Variants in DMRTB1 observed in about 807,000 individuals in gnomAD.
The protein encoded by DMRTB1 is doublesex- and mab-3-related transcription factor B1.
DMRTB1 carries 9 observed loss-of-function variants against 25.2 expected under a neutral mutation model. The ratio of observed to expected loss-of-function variants is 0.36; its 90% confidence interval spans 0.22 to 0.62. DMRTB1 has a LOEUF of 0.62. DMRTB1 is among the 20% of genes least tolerant of loss of function. The pLI, the probability that DMRTB1 is intolerant of heterozygous loss-of-function variation, is 0.71. For missense variants in DMRTB1, 551 were observed against 499.3 expected (o/e 1.10, Z -0.99); for synonymous variants, 269 against 238.1 (o/e 1.13, Z -1.20).
At chr1:53,466,061 G>A (rs1644048389) in intron 3 of DMRTB1, among the ~76,000 whole-genome samples, 1 of 152,202 alleles carries the variant, frequency 6.6e-6, no homozygotes, top group African/African-American at 2.4e-5. Flanking sequence ...CCCAGCTTGT[G>A]ACGAGCAGAG....
chr1:53,463,414 C>CTCT (rs1455341429), intron 2 of DMRTB1, among the ~76,000 whole-genome samples: 12 of 152,136 alleles, frequency 7.9e-5, no homozygotes, highest in Non-Finnish European at 1.5e-4. Context: ...CCACGTGACC[C>CTCT]GTGGCAGTTA....
Position 53,459,601 on chromosome 1 carries a change from A to G in DMRTB1, c.148A>G (p.Met50Val), listed in dbSNP as rs976922588. 2.4e-5 allele frequency: 38 copies of G among 1,590,734 alleles called. No individual in the cohort carries two copies. Among genetic ancestry groups the G allele is most frequent in the Non-Finnish European group, 3.2e-5 (37 of 1,168,918 alleles). Residue 50 changes from methionine (M) to valine (V), a missense_variant, in exon 1 of 4, where the codon ATG becomes GTG. Transcript: ENST00000371445. ...CCTGATCTCCGAGCGCCAGAAGATC[A>G]TGGCCGCGCAGAAGGTGCTCAAGAC... ...CYLISERQKI[M>V]AAQKVLKTQA...
chr1:53,466,898 AG>A lies in DMRTB1; in HGVS notation c.*237del, dbSNP rs1644053422. Reference sequence around the variant, plus strand: ...CCAGGGGAGGGCCAGGGCTCTGAGGAGTGGGCGCTGGGAGAAGCTCCCATTT... The same window carrying A: ...CCAGGGGAGGGCCAGGGCTCTGAGGATGGGCGCTGGGAGAAGCTCCCATTT... On this transcript the variant is annotated 3_prime_UTR_variant, in exon 4 of 4. Transcript: ENST00000371445. 5.6e-6 allele frequency: 3 copies of A among 534,680 alleles called. No individual in the cohort carries two copies. The East Asian group carries it at 9.0e-5, about 16-fold the overall frequency. 33.1% of individuals were successfully genotyped at this position (534,680 alleles called of 1,614,324 possible).
intron 2 of DMRTB1, among the ~76,000 whole-genome samples, chr1:53,462,463 T>C (rs907634628): frequency 6.6e-6 from 1 of 152,238 alleles, no homozygotes; most frequent in Non-Finnish European, 1.5e-5. Flanking sequence ...CACTCCTGCT[T>C]CAGCCTGGCG....
intron 2 of DMRTB1, 57 bp from the exon 3 acceptor site, chr1:53,464,580 C>T (rs1262521018): frequency 2.5e-6 from 4 of 1,611,084 alleles, no homozygotes; most frequent in African/African-American, 1.3e-5. Flanking sequence ...TATGTTTGGT[C>T]AGCCCATCTG....
Position 53,461,482 on chromosome 1 carries a change from T to A in DMRTB1, c.587T>A (p.Leu196Gln). 1.3e-6 allele frequency: 2 copies of A among 1,590,984 alleles called. No individual in the cohort carries two copies. Among genetic ancestry groups the A allele is most frequent in the Non-Finnish European group, 1.7e-6 (2 of 1,168,022 alleles). ...TGCTTGCGTTCTTTAGTGCGCCCTC[T>A]GAACATCAACCCGGACCGTGCACTG... is the stretch of plus-strand genomic sequence containing the variant. ...GPLFTDFVRP[L>Q]NINPDRALGP... is the part of the protein sequence containing the mutation. Residue 196 changes from leucine to glutamine, a missense_variant, in exon 2 of 4, where the codon CTG becomes CAG. By Grantham distance (113) the Leu-to-Gln change is moderately radical. Transcript: ENST00000371445.
rs769817994 is a variant in DMRTB1, at chr1:53,464,859, CCA to C, written c.961+13_961+14del. 6.2e-6 allele frequency: 10 copies of C among 1,613,524 alleles called. No individual in the cohort carries two copies. The highest frequency in any genetic ancestry group is 8.5e-6 in the Non-Finnish European group (10 of 1,180,032). ...CAAGGAGAACACTGGTGAGTGAGCT[CCA>C]GTCTTCCAGCTTCAGCGAGAGCCAG... On this transcript the variant is annotated intron_variant, in intron 3 of 3. Coordinates refer to ENST00000371445, the MANE Select transcript of DMRTB1 (RefSeq NM_033067.3).
intron 2 of DMRTB1, 60 bp from the exon 3 acceptor site, chr1:53,464,577 G>T (rs1414341777): frequency 6.2e-7 from 1 of 1,610,798 alleles, no homozygotes; most frequent in African/African-American, 1.3e-5. Context: ...AGCTATGTTT[G>T]GTCAGCCCAT....
Position 53,459,633 on chromosome 1 carries a change from C to T in DMRTB1, c.180C>T (p.Ala60=). 6.4e-7 allele frequency: 1 copy of T among 1,564,108 alleles called. No individual in the cohort carries two copies. Among genetic ancestry groups the T allele is most frequent in the Non-Finnish European group, 8.7e-7 (1 of 1,155,340 alleles). ...MAAQKVLKTQ[A]AEEEQEAALC... is the part of the protein sequence containing the mutation. The stretch of plus-strand genomic sequence containing the variant: ...CGCAGAAGGTGCTCAAGACGCAGGC[C>T]GCCGAGGAGGAGCAGGAGGCGGCCC... The change falls in exon 1 of 4, where the codon GCC becomes GCT. Residue 60 remains alanine, a synonymous_variant. Transcript: ENST00000371445.
In DMRTB1 at chr1:53,459,414, C is replaced by T; in HGVS notation, c.-40C>T. The T allele has an allele frequency of 6.2e-7, 1 of 1,612,454 alleles. No homozygotes were observed. The highest frequency in any genetic ancestry group is 8.5e-7 in the Non-Finnish European group (1 of 1,179,802). On this transcript the variant is annotated 5_prime_UTR_variant, in exon 1 of 4. Transcript: ENST00000371445. ...TCCCAGCGCCACTTGCTCTGCAGCT[C>T]CCAGAGGTGGTGGTTGTGTTACGAA...
At chr1:53,464,922 G>A (rs1644043238) in intron 3 of DMRTB1, 75 bp downstream of exon 3, 2 of 1,580,908 alleles carry the variant, frequency 1.3e-6, no homozygotes, top group South Asian at 1.1e-5. Flanking sequence ...CTAATCTGAA[G>A]AAAGGTTAGG....
In DMRTB1 at chr1:53,466,906, C is replaced by T. The variant is rs1644053496; in HGVS notation, c.*244C>T. On this transcript the variant is annotated 3_prime_UTR_variant, in exon 4 of 4. Transcript: ENST00000371445. ...GGGCCAGGGCTCTGAGGAGTGGGCG[C>T]TGGGAGAAGCTCCCATTTAGGAATG... The T allele has an allele frequency of 1.9e-6, 1 of 518,348 alleles. No individual in the cohort carries two copies. The highest frequency in any genetic ancestry group is 1.9e-5 in the African/African-American group (1 of 52,384). The allele number at this position is 518,348 out of a possible 1,614,324, so 32.1% of individuals were successfully genotyped here.
chr1:53,466,918 C>A lies in DMRTB1; in HGVS notation c.*256C>A. On this transcript the variant is annotated 3_prime_UTR_variant, in exon 4 of 4. Transcript: ENST00000371445. ...TGAGGAGTGGGCGCTGGGAGAAGCT[C>A]CCATTTAGGAATGAATTTAACTGTC... The A allele has an allele frequency of 3.9e-6, 2 of 506,354 alleles. No individual in the cohort carries two copies. The highest frequency in any genetic ancestry group is 3.5e-6 in the Non-Finnish European group (1 of 288,510). The allele number at this position is 506,354 out of a possible 1,614,324, so 31.4% of individuals were successfully genotyped here. A position where few individuals can be genotyped will look rare whatever the true frequency, so the allele number is the denominator to read the frequency against.
chr1:53,460,712 AT>A, intron 1 of DMRTB1, among the ~76,000 whole-genome samples: 1 of 152,310 alleles, frequency 6.6e-6, no homozygotes, highest in East Asian at 1.9e-4. Context: ...TCACATGTAC[AT>A]TTGAAGCTTT....
chr1:53,464,832 G>T lies in DMRTB1; in HGVS notation c.946G>T (p.Asp316Tyr), dbSNP rs1416957626. Reference protein sequence around the residue: ...SFSLTVLFDTDKENTDDQDAE... With the variant: ...SFSLTVLFDTYKENTDDQDAE... The stretch of plus-strand genomic sequence containing the variant: ...CTCACTGACCGTCCTGTTTGATACT[G>T]ACAAGGAGAACACTGGTGAGTGAGC... Residue 316 changes from aspartate to tyrosine, a missense_variant, in exon 3 of 4, where the codon GAC becomes TAC. Physicochemically the swap from Asp to Tyr is radical, Grantham distance 160. Coordinates refer to ENST00000371445, the MANE Select transcript of DMRTB1 (RefSeq NM_033067.3). The T allele has an allele frequency of 6.2e-7, 1 of 1,613,846 alleles. No homozygotes were observed. Among genetic ancestry groups the T allele is most frequent in the Admixed American group, 1.7e-5 (1 of 60,004 alleles).
In DMRTB1 at chr1:53,461,518, A is replaced by T; in HGVS notation, c.623A>T (p.Tyr208Phe). The change falls in exon 2 of 4, where the codon TAC becomes TTC. Residue 208 changes from tyrosine (Y) to phenylalanine (F), a missense_variant. Tyr to Phe is a conservative substitution (Grantham distance 22). Transcript: ENST00000371445. ...CCGGACCGTGCACTGGGCCCTGAGT[A>T]CCCTGGTGGCTCCAGCATGCACCCC... ...INPDRALGPE[Y>F]PGGSSMHPYC... is the part of the protein sequence containing the mutation. 6.2e-7 allele frequency: 1 copy of T among 1,611,354 alleles called. No homozygotes were observed. Among genetic ancestry groups the T allele is most frequent in the Non-Finnish European group, 8.5e-7 (1 of 1,178,680 alleles).
Position 53,461,454 on chromosome 1 carries a change from C to T in DMRTB1, c.578-19C>T, listed in dbSNP as rs368076198. 2 of 1,558,082 alleles carry T rather than the reference C, an allele frequency of 1.3e-6. No individual in the cohort carries two copies. Among genetic ancestry groups the T allele is most frequent in the Non-Finnish European group, 1.7e-6 (2 of 1,148,060 alleles). On this transcript the variant is annotated intron_variant, in intron 1 of 3. Transcript: ENST00000371445. ...TCCCAGCGGTGTCTAACACTTCCCTCCTTGCTTGCGTTCTTTAGTGCGCCC... is the reference window on the plus strand; with the variant it reads ...TCCCAGCGGTGTCTAACACTTCCCTTCTTGCTTGCGTTCTTTAGTGCGCCC...
In DMRTB1 at chr1:53,464,825, T is replaced by C; in HGVS notation, c.939T>C (p.Phe313=). The C allele has an allele frequency of 6.2e-7, 1 of 1,614,002 alleles. No individual in the cohort carries two copies. Among genetic ancestry groups the C allele is most frequent in the South Asian group, 1.1e-5 (1 of 91,074 alleles). Residue 313 remains phenylalanine (F), a synonymous_variant, in exon 3 of 4, where the codon TTT becomes TTC. Coordinates refer to ENST00000371445, the MANE Select transcript of DMRTB1 (RefSeq NM_033067.3). ...PPSSFSLTVL[F]DTDKENTDDQ... is the part of the protein sequence containing the mutation. The stretch of plus-strand genomic sequence containing the variant: ...CATCTTTCTCACTGACCGTCCTGTT[T>C]GATACTGACAAGGAGAACACTGGTG...
chr1:53,462,416 C>T (rs1230272745), intron 2 of DMRTB1, among the ~76,000 whole-genome samples: 1 of 152,218 alleles, frequency 6.6e-6, no homozygotes, highest in African/African-American at 2.4e-5. Flanking sequence ...GCTCGAGCTT[C>T]ACCCGGGCAG....
Sources: allele counts gnomAD v4.1 joint callset (sites outside exome capture counted in the v4.1 genomes callset), GRCh38; gene constraint gnomAD v4.1.1; transcripts MANE v1.5; gene names NCBI Gene and HGNC (gene_info 2026-07-23, HGNC 2026-07-21).